Variants in KCNB2 observed in about 807,000 individuals in gnomAD.
KCNB2 encodes delayed rectifier potassium channel protein.
KCNB2 carries 15 observed loss-of-function variants against 61.5 expected under a neutral mutation model. That is an observed-to-expected ratio of 0.24 (90% CI 0.16 to 0.38). The LOEUF is 0.38. Among genes scored for constraint, KCNB2 ranks in the 10% least tolerant of loss-of-function variants. The pLI, the probability that KCNB2 is intolerant of heterozygous loss-of-function variation, is 1.00. For synonymous variants in KCNB2, 457 were observed against 446.0 expected (o/e 1.02, Z -0.31); for missense variants, 828 against 1,125.2 (o/e 0.74, Z 3.78).
intron 2 of KCNB2, among the ~76,000 whole-genome samples, chr8:72,931,822 G>A (rs1806790847): frequency 6.6e-6 from 1 of 152,152 alleles, no homozygotes; most frequent in Admixed American, 6.6e-5. Context: ...AGACCAGCCT[G>A]GCCAACGTGG....
intron 2 of KCNB2, among the ~76,000 whole-genome samples, chr8:72,609,543 G>T (rs560761879): frequency 1.3e-5 from 2 of 152,256 alleles, no homozygotes; most frequent in Admixed American, 6.5e-5. Flanking sequence ...TTTCTACAAT[G>T]AATATTATTA....
chr8:72,856,839 C>A (rs959219847), intron 2 of KCNB2, among the ~76,000 whole-genome samples: 1 of 152,012 alleles, frequency 6.6e-6, no homozygotes, highest in Non-Finnish European at 1.5e-5. Context: ...TCCTCTTGCC[C>A]CAGAATCAGT....
chr8:72,805,621 C>T (rs1214883707), intron 2 of KCNB2, among the ~76,000 whole-genome samples: 1 of 152,174 alleles, frequency 6.6e-6, no homozygotes, highest in Non-Finnish European at 1.5e-5. Flanking sequence ...TTAAAATTAG[C>T]CCTTTTTACC....
intron 2 of KCNB2, among the ~76,000 whole-genome samples, chr8:72,701,717 T>C (rs1807130346): frequency 6.6e-6 from 1 of 152,188 alleles, no homozygotes; most frequent in Admixed American, 6.6e-5. Context: ...AGGACATTAA[T>C]TGAGGGTGAT....
chr8:72,553,534 T>C (rs1349695553), intron 1 of KCNB2, among the ~76,000 whole-genome samples: 2 of 152,164 alleles, frequency 1.3e-5, no homozygotes, highest in Non-Finnish European at 2.9e-5. Flanking sequence ...TGATTATTAA[T>C]CAGGTTATCA....
intron 2 of KCNB2, among the ~76,000 whole-genome samples, chr8:72,682,916 A>G (rs1033620769): frequency 6.6e-6 from 1 of 152,176 alleles, no homozygotes; most frequent in East Asian, 1.9e-4. Context: ...CTAAGGTTGA[A>G]TTCTAATTGT....
intron 2 of KCNB2, among the ~76,000 whole-genome samples, chr8:72,906,434 T>G (rs1806177898): frequency 6.6e-6 from 1 of 152,110 alleles, no homozygotes; most frequent in African/African-American, 2.4e-5. Flanking sequence ...GAATTTATAA[T>G]TTTGAAAAAA....
intron 2 of KCNB2, among the ~76,000 whole-genome samples, chr8:72,641,007 A>G (rs557696514): frequency 6.6e-6 from 1 of 152,198 alleles, no homozygotes; most frequent in South Asian, 2.1e-4. Flanking sequence ...GACAGGAGGT[A>G]TGTGTGTAGG....
intron 2 of KCNB2, among the ~76,000 whole-genome samples, chr8:72,826,160 C>A (rs1190124091): frequency 1.3e-5 from 2 of 152,196 alleles, no homozygotes; most frequent in African/African-American, 4.8e-5. Flanking sequence ...TCATATGCAA[C>A]TTTCTCTTAT....
chr8:72,683,748 C>T (rs957140380), intron 2 of KCNB2, among the ~76,000 whole-genome samples: 1 of 151,972 alleles, frequency 6.6e-6, no homozygotes, highest in Non-Finnish European at 1.5e-5. Flanking sequence ...ACAGAGGAGG[C>T]TAAGTGGGTG....
chr8:72,888,851 TACAGGGAGA>T (rs1274176826), intron 2 of KCNB2, among the ~76,000 whole-genome samples: 1 of 152,018 alleles, frequency 6.6e-6, no homozygotes, highest in East Asian at 1.9e-4. Flanking sequence ...GTATAAAGAG[TACAGGGAGA>T]ACTCATTTCT....
chr8:72,908,179 A>C (rs1806212321), intron 2 of KCNB2, among the ~76,000 whole-genome samples: 1 of 152,104 alleles, frequency 6.6e-6, no homozygotes, highest in African/African-American at 2.4e-5. Flanking sequence ...TCTTTGAACT[A>C]TGAAGGAATA....
intron 2 of KCNB2, among the ~76,000 whole-genome samples, chr8:72,719,784 AC>A (rs1307225777): frequency 3.3e-5 from 5 of 152,200 alleles, no homozygotes; most frequent in Middle Eastern, 3.2e-3. Flanking sequence ...ATAAAACAAA[AC>A]AAAAGAATGA....
At chr8:72,675,370 A>G (rs2128988515) in intron 2 of KCNB2, among the ~76,000 whole-genome samples, 1 of 152,252 alleles carries the variant, frequency 6.6e-6, no homozygotes, top group South Asian at 2.1e-4. Flanking sequence ...CAGGGTATGG[A>G]CTATCTGACA....
intron 2 of KCNB2, among the ~76,000 whole-genome samples, chr8:72,667,006 T>TGTGTGTGTGTGA (rs141712140): frequency 1.8e-4 from 26 of 147,936 alleles, no homozygotes; most frequent in Middle Eastern, 3.4e-3. Context: ...TGTGTGTGTG[T>TGTGTGTGTGTGA]GAGAGAGAGA....
intron 2 of KCNB2, among the ~76,000 whole-genome samples, chr8:72,602,546 A>AT (rs1027219999): frequency 6.6e-6 from 1 of 152,144 alleles, no homozygotes; most frequent in Non-Finnish European, 1.5e-5. Flanking sequence ...GACTCTAGTC[A>AT]TTTTTTGCAT....
chr8:72,746,372 G>C (rs1271328133), intron 2 of KCNB2, among the ~76,000 whole-genome samples: 1 of 152,098 alleles, frequency 6.6e-6, no homozygotes, highest in Non-Finnish European at 1.5e-5. Flanking sequence ...TTGTCCAATT[G>C]AGAGTGGTCA....
chr8:72,638,052 A>G (rs1805993738), intron 2 of KCNB2, among the ~76,000 whole-genome samples: 1 of 152,228 alleles, frequency 6.6e-6, no homozygotes, highest in South Asian at 2.1e-4. Flanking sequence ...CCAATCTCCT[A>G]TTATTGTAAA....
chr8:72,901,232 C>T (rs1377271126), intron 2 of KCNB2, among the ~76,000 whole-genome samples: 1 of 152,100 alleles, frequency 6.6e-6, no homozygotes, highest in East Asian at 1.9e-4. Flanking sequence ...CAGGAGATGA[C>T]TCTAACAGTA....
Sources: allele counts gnomAD v4.1 joint callset (sites outside exome capture counted in the v4.1 genomes callset), GRCh38; gene constraint gnomAD v4.1.1; transcripts MANE v1.5; gene names NCBI Gene and HGNC (gene_info 2026-07-23, HGNC 2026-07-21).